GPAT3: variants seen among roughly 807,000 people sequenced by gnomAD.
The protein encoded by GPAT3 is 1-AGP acyltransferase 9.
GPAT3 carries 53 observed loss-of-function variants against 58.8 expected under a neutral mutation model. That is an observed-to-expected ratio of 0.90 (90% CI 0.72 to 1.13). The LOEUF (loss-of-function observed/expected upper bound fraction) is 1.13. GPAT3 is among the 50% of genes most tolerant of loss of function. The pLI is 0.00. For synonymous variants in GPAT3, 197 were observed against 187.4 expected, an observed-to-expected ratio of 1.05 and a Z score of -0.42; for missense variants, 511 against 527.6, an observed-to-expected ratio of 0.97 and a Z score of 0.31.
At chr4:83,579,520 G>A (rs1168669007) in intron 2 of GPAT3, among the ~76,000 whole-genome samples, 1 of 151,796 alleles carries the variant, frequency 6.6e-6, no homozygotes, top group Non-Finnish European at 1.5e-5. Flanking sequence ...TCAAACTCTT[G>A]GGCTCAAGTG....
chr4:83,591,919 A>C (rs79163752), intron 6 of GPAT3, among the ~76,000 whole-genome samples: 17 of 152,308 alleles, frequency 1.1e-4, no homozygotes, highest in African/African-American at 4.1e-4. Context: ...GCATCTGTCC[A>C]TGGTCTTCTT....
chr4:83,590,223 C>G lies in GPAT3; in HGVS notation c.669C>G (p.Gly223=). 1 of 1,613,894 alleles carries G rather than the reference C, an allele frequency of 6.2e-7. No homozygotes were observed. Among genetic ancestry groups the G allele is most frequent in the Non-Finnish European group, 8.5e-7 (1 of 1,179,866 alleles). ...GGCAGTACAGACCCCAGAAGGGAGG[C>G]ATTTGTGTTGCCAACCATACTTCCC... ...HNKQYRPQKG[G]ICVANHTSPI... Residue 223 remains glycine (G), a synonymous_variant, in exon 6 of 12, where the codon GGC becomes GGG. Coordinates refer to ENST00000264409, the MANE Select transcript of GPAT3 (RefSeq NM_032717.5).
chr4:83,562,212 T>TATATATATATATATAATATATATATATA (rs1725180767), intron 2 of GPAT3, among the ~76,000 whole-genome samples: 1 of 11,362 alleles, frequency 8.8e-5, no homozygotes, highest in African/African-American at 6.9e-4. Context: ...ATATATATAT[T>TATATATATATATATAATATATATATATA]ATATATATAT....
intron 1 of GPAT3, among the ~76,000 whole-genome samples, chr4:83,540,908 T>C (rs1195192935): frequency 6.6e-6 from 1 of 152,152 alleles, no homozygotes; most frequent in East Asian, 1.9e-4. Context: ...CAGGCTGGTC[T>C]CCGACTCTTG....
intron 3 of GPAT3, among the ~76,000 whole-genome samples, chr4:83,583,256 T>G (rs1161683322): frequency 6.6e-6 from 1 of 151,470 alleles, no homozygotes; most frequent in African/African-American, 2.4e-5. Flanking sequence ...ATCGTGCCAC[T>G]GCACTCTAGC....
At chr4:83,579,042 CT>C (rs1560621004) in intron 2 of GPAT3, among the ~76,000 whole-genome samples, 9 of 25,990 alleles carry the variant, frequency 3.5e-4, no homozygotes, top group African/African-American at 1.6e-3. Flanking sequence ...TTCTTTCTTT[CT>C]TTCTTTCTTT....
rs2110114781 is a variant in GPAT3 at position 83,604,856 on chromosome 4, T to C, written c.*89T>C. The C allele has an allele frequency of 9.4e-7, 1 of 1,067,440 alleles. No homozygotes were observed. The highest frequency in any genetic ancestry group is 1.4e-6 in the Non-Finnish European group (1 of 735,004). The allele number at this position is 1,067,440 out of a possible 1,614,324, so 66.1% of individuals were successfully genotyped here. A position where few individuals can be genotyped will look rare whatever the true frequency, so the allele number is the denominator to read the frequency against. On this transcript the variant is annotated 3_prime_UTR_variant, in exon 12 of 12. Transcript: ENST00000264409. Reference sequence around the variant, plus strand: ...TTGTTTTGTTTTATTGTTTTGTTTTTATTATTGTTAATCTTTTCTACAGAA... The same window carrying C: ...TTGTTTTGTTTTATTGTTTTGTTTTCATTATTGTTAATCTTTTCTACAGAA...
rs76854334 is a variant in GPAT3 at position 83,541,874 on chromosome 4, G to A, written c.142-2662G>A. On this transcript the variant is annotated intron_variant, in intron 1 of 11. Transcript: ENST00000264409. ...CAAGAAGGTGTAGTAGTATCCTCAC[G>A]TGGCCCTTTCTCTCTGTGCTCACAT... Among the ~76,000 whole-genome samples, 785 of 152,262 alleles carry A rather than the reference G, an allele frequency of 5.2e-3. 8 individuals carry two copies. Among genetic ancestry groups the A allele is most frequent in the African/African-American group, 0.018 (740 of 41,540 alleles).
At chr4:83,559,721 G>C (rs1247346087) in intron 2 of GPAT3, among the ~76,000 whole-genome samples, 1 of 152,078 alleles carries the variant, frequency 6.6e-6, no homozygotes, top group Admixed American at 6.6e-5. Context: ...AAAATGTTTT[G>C]GTAATGGAAT....
intron 2 of GPAT3, among the ~76,000 whole-genome samples, chr4:83,572,129 G>A (rs555235176): frequency 3.3e-5 from 5 of 152,182 alleles, no homozygotes; most frequent in Non-Finnish European, 7.4e-5. Flanking sequence ...CTGGGAGTGG[G>A]CCCTGGTGTC....
At chr4:83,536,977 ACT>A (rs1724122854) in intron 1 of GPAT3, among the ~76,000 whole-genome samples, 1 of 151,838 alleles carries the variant, frequency 6.6e-6, no homozygotes, top group African/African-American at 2.4e-5. Context: ...CCACTGGACC[ACT>A]CTGTTGTTTC....
Position 83,583,468 on chromosome 4 carries a change from G to A in GPAT3, c.479+1636G>A, listed in dbSNP as rs190046139. 1.2e-3 allele frequency among the ~76,000 whole-genome samples: 176 copies of A among 151,376 alleles called. 2 individuals are homozygous for A. Among genetic ancestry groups the A allele is most frequent in the African/African-American group, 4.0e-3 (167 of 41,238 alleles). On this transcript the variant is annotated intron_variant, in intron 3 of 11. Coordinates refer to ENST00000264409, the MANE Select transcript of GPAT3 (RefSeq NM_032717.5). The stretch of plus-strand genomic sequence containing the variant: ...GCAGATCACTTGAGGCCAGGAGTTC[G>A]ACTGGCCTGGACAACATGGTGAAAC...
At chr4:83,593,897 G>A (rs527789785) in intron 6 of GPAT3, among the ~76,000 whole-genome samples, 2 of 152,188 alleles carry the variant, frequency 1.3e-5, no homozygotes, top group South Asian at 4.1e-4. Flanking sequence ...AATATGTAGG[G>A]TATCAATATG....
At chr4:83,573,095 C>T (rs1725661424) in intron 2 of GPAT3, among the ~76,000 whole-genome samples, 1 of 152,024 alleles carries the variant, frequency 6.6e-6, no homozygotes, top group Non-Finnish European at 1.5e-5. Flanking sequence ...GTCCTTGGTA[C>T]TAGCTTGTTA....
chr4:83,544,616 T>G lies in GPAT3; in HGVS notation c.208+14T>G. 6.2e-7 allele frequency: 1 copy of G among 1,613,136 alleles called. No homozygotes were observed. Among genetic ancestry groups the G allele is most frequent in the Non-Finnish European group, 8.5e-7 (1 of 1,179,278 alleles). On this transcript the variant is annotated intron_variant, in intron 2 of 11. Transcript: ENST00000264409. ...CTGCTTCTGTTGGTGAGTTTTCCTT[T>G]TCATTATGATTGTTACCATATTTAA...
At chr4:83,595,005 C>T (rs1726764202) in intron 7 of GPAT3, 45 bp downstream of exon 7, 1 of 1,558,474 alleles carries the variant, frequency 6.4e-7, no homozygotes, top group South Asian at 1.1e-5. Flanking sequence ...AGCATAAAAG[C>T]TGACCAATCT....
chr4:83,577,684 A>C (rs1455415395), intron 2 of GPAT3, among the ~76,000 whole-genome samples: 1 of 149,902 alleles, frequency 6.7e-6, no homozygotes, highest in East Asian at 2.1e-4. Context: ...GCTAGGTCAT[A>C]GGCTCTGAAT....
intron 10 of GPAT3, chr4:83,598,382 T>A: frequency 1.4e-6 from 1 of 738,990 alleles, no homozygotes; most frequent in South Asian, 2.0e-5. Flanking sequence ...TAATTGCTGT[T>A]GGTTTATTGA....
intron 2 of GPAT3, among the ~76,000 whole-genome samples, chr4:83,557,539 T>A (rs1332480533): frequency 6.6e-6 from 1 of 151,926 alleles, no homozygotes; most frequent in African/African-American, 2.4e-5. Flanking sequence ...TGCAAAAAAA[T>A]TTCATAATGT....
Sources: allele counts gnomAD v4.1 joint callset (sites outside exome capture counted in the v4.1 genomes callset), GRCh38; gene constraint gnomAD v4.1.1; transcripts MANE v1.5; gene names NCBI Gene and HGNC (gene_info 2026-07-23, HGNC 2026-07-21).